The following BMPR1B variants were observed in gnomAD, a reference collection of about 807,000 sequenced individuals.
BMPR1B encodes bone morphogenetic protein receptor type-1B.
BMPR1B carries 12 observed loss-of-function variants against 59.1 expected under a neutral mutation model. The ratio of observed to expected loss-of-function variants is 0.20; its 90% CI spans 0.13 to 0.33. The LOEUF is 0.33. BMPR1B is among the 10% of genes least tolerant of loss of function. The pLI, the probability that BMPR1B is intolerant of heterozygous loss-of-function variation, is 1.00. For missense variants in BMPR1B, 550 were observed against 610.9 expected (o/e 0.90, Z 1.05); for synonymous variants, 237 against 207.3 (o/e 1.14, Z -1.23).
chr4:94,947,919 A>G (rs1729780904), intron 2 of BMPR1B, among the ~76,000 whole-genome samples: 1 of 152,322 alleles, frequency 6.6e-6, no homozygotes, highest in East Asian at 1.9e-4. Context: ...AGACCATATT[A>G]TGACTACTGC....
intron 1 of BMPR1B, among the ~76,000 whole-genome samples, chr4:94,761,790 ATACTAT>A (rs1560803295): frequency 6.6e-6 from 1 of 152,124 alleles, no homozygotes; most frequent in Non-Finnish European, 1.5e-5. Flanking sequence ...TGCCTTAGAG[ATACTAT>A]TAATAATTTC....
At chr4:94,900,932 C>T (rs1361369995) in intron 2 of BMPR1B, among the ~76,000 whole-genome samples, 2 of 151,866 alleles carry the variant, frequency 1.3e-5, no homozygotes, top group Non-Finnish European at 2.9e-5. Flanking sequence ...AAAATATGCC[C>T]CAAGAGTGTC....
At chr4:94,924,031 T>C (rs1050495695) in intron 2 of BMPR1B, among the ~76,000 whole-genome samples, 8 of 152,248 alleles carry the variant, frequency 5.3e-5, no homozygotes, top group Admixed American at 1.3e-4. Flanking sequence ...GCATATGCTG[T>C]TTGGGGGACT....
intron 2 of BMPR1B, among the ~76,000 whole-genome samples, chr4:94,975,697 AAAG>A (rs1414895402): frequency 1.3e-5 from 2 of 152,154 alleles, no homozygotes; most frequent in Non-Finnish European, 2.9e-5. Flanking sequence ...ATGGTATTAA[AAAG>A]AAGATGATAT....
chr4:94,831,233 T>TA (rs34088781), intron 1 of BMPR1B, among the ~76,000 whole-genome samples: 31,376 of 88,420 alleles, frequency 0.35, 3,965 homozygotes, highest in East Asian at 0.5. Flanking sequence ...GTTTAAAAAG[T>TA]AAAAAAAAAA....
At chr4:94,830,558 G>A (rs1724545546) in intron 1 of BMPR1B, among the ~76,000 whole-genome samples, 1 of 152,058 alleles carries the variant, frequency 6.6e-6, no homozygotes, top group East Asian at 1.9e-4. Flanking sequence ...TGCTATTACT[G>A]GGGTTGCCTT....
In BMPR1B at chr4:94,790,735, T is replaced by C. The variant is rs376984440; in HGVS notation, c.-183+32667T>C. On this transcript the variant is annotated intron_variant, in intron 1 of 12. Coordinates refer to ENST00000515059, the MANE Select transcript of BMPR1B (RefSeq NM_001203.3). ...TCTTGGTAACTTAAAAGAAAAACTT[T>C]ATTTTTTAGAGCAGTTTTAGGTTTA... Among the ~76,000 whole-genome samples the C allele has an allele frequency of 9.9e-5, 15 of 152,170 alleles. No homozygotes were observed. In the South Asian group the frequency reaches 1.9e-3, roughly 19 times the overall value.
At position 95,131,506 on chromosome 4, in the gene BMPR1B, T is replaced by G. The variant is rs528180688; in HGVS notation, c.1070T>G (p.Phe357Cys). ...GCTGACCTGGGCCTGGCTGTTAAAT[T>G]TATTAGGTTAGTATCAAAGTGAACA... The part of the protein sequence containing the change: ...CIADLGLAVK[F>C]ISDTNEVDIP... The change falls in exon 10 of 13, where the codon TTT becomes TGT. Residue 357 changes from phenylalanine to cysteine, a missense_variant. Physicochemically the swap from Phe to Cys is radical, Grantham distance 205. Around this residue, in one of 6 missense-constraint regions of BMPR1B, gnomAD observed 318 missense variants for 284.6 expected, o/e 1.12. Coordinates refer to ENST00000515059, the MANE Select transcript of BMPR1B (RefSeq NM_001203.3). The G allele has an allele frequency of 1.2e-6, 2 of 1,614,028 alleles. No individual in the cohort carries two copies. The highest frequency in any genetic ancestry group is 1.7e-6 in the Non-Finnish European group (2 of 1,179,950).
intron 1 of BMPR1B, among the ~76,000 whole-genome samples, chr4:94,766,226 T>A (rs772618631): frequency 3.6e-4 from 55 of 152,174 alleles, no homozygotes; most frequent in Non-Finnish European, 8.8e-5. Flanking sequence ...GGACTTGTAT[T>A]TTTCCCTGTG....
rs530651782 is a variant in BMPR1B at position 95,059,737 on chromosome 4, A to G, written c.-17-44671A>G. 4.6e-5 allele frequency among the ~76,000 whole-genome samples: 7 copies of G among 152,308 alleles called. No individual in the cohort carries two copies. The East Asian group carries it at 7.7e-4, about 17-fold the overall frequency. ...CTCTTTCTTATGCTCAATTTAATCT[A>G]TCAAAGCCACACATTGTAGAAGACA... On this transcript the variant is annotated intron_variant, in intron 3 of 12. Coordinates refer to ENST00000515059, the MANE Select transcript of BMPR1B (RefSeq NM_001203.3).
At chr4:94,842,966 A>AATACCCAGATTTC (rs978461224) in intron 1 of BMPR1B, among the ~76,000 whole-genome samples, 13 of 152,152 alleles carry the variant, frequency 8.5e-5, no homozygotes, top group Non-Finnish European at 1.5e-4. Context: ...TTAGCTGTTT[A>AATACCCAGATTTC]ATACCCAGAT....
chr4:94,928,192 A>C (rs1449562151), intron 2 of BMPR1B, among the ~76,000 whole-genome samples: 1 of 151,302 alleles, frequency 6.6e-6, no homozygotes, highest in Admixed American at 6.6e-5. Context: ...AAGAGAAATA[A>C]AGCTATGTTG....
At chr4:94,945,787 A>G (rs1729687868) in intron 2 of BMPR1B, among the ~76,000 whole-genome samples, 1 of 152,220 alleles carries the variant, frequency 6.6e-6, no homozygotes, top group Non-Finnish European at 1.5e-5. Flanking sequence ...TAAAGCAAAA[A>G]TCAAGCATTT....
chr4:94,802,009 A>G (rs1405763478), intron 1 of BMPR1B, among the ~76,000 whole-genome samples: 1 of 152,232 alleles, frequency 6.6e-6, no homozygotes, highest in Non-Finnish European at 1.5e-5. Flanking sequence ...TATATTTTAT[A>G]AATGAGTTGA....
At chr4:95,108,132 T>G (rs1731326472) in intron 4 of BMPR1B, among the ~76,000 whole-genome samples, 1 of 152,090 alleles carries the variant, frequency 6.6e-6, no homozygotes, top group Non-Finnish European at 1.5e-5. Flanking sequence ...ATGCTCCATT[T>G]TTATTGCCTA....
intron 3 of BMPR1B, among the ~76,000 whole-genome samples, chr4:95,062,144 GT>G (rs57958044): frequency 9.2e-5 from 14 of 151,372 alleles, no homozygotes; most frequent in Admixed American, 3.3e-4. Flanking sequence ...TTCTCAGGTA[GT>G]TTTTTTTTAT....
intron 1 of BMPR1B, among the ~76,000 whole-genome samples, chr4:94,783,716 G>T (rs1722664215): frequency 6.6e-6 from 1 of 152,206 alleles, no homozygotes; most frequent in Non-Finnish European, 1.5e-5. Flanking sequence ...TAAGGTGAAG[G>T]CCTTTAGGGC....
At chr4:94,790,347 G>C (rs140309895) in intron 1 of BMPR1B, among the ~76,000 whole-genome samples, 1 of 152,310 alleles carries the variant, frequency 6.6e-6, no homozygotes, top group East Asian at 1.9e-4. Flanking sequence ...TACTGTTGTT[G>C]TTGTAACATG....
At chr4:95,142,915 G>C (rs568649109) in intron 10 of BMPR1B, among the ~76,000 whole-genome samples, 94 of 151,792 alleles carry the variant, frequency 6.2e-4, no homozygotes, top group African/African-American at 2.2e-3. Flanking sequence ...TATATTATGA[G>C]GCTGAAGAGA....
Sources: allele counts gnomAD v4.1 joint callset (sites outside exome capture counted in the v4.1 genomes callset), GRCh38; gene constraint gnomAD v4.1.1; regional missense constraint gnomAD v4.1.1; transcripts MANE v1.5; gene names NCBI Gene and HGNC (gene_info 2026-07-23, HGNC 2026-07-21).